GPHN: variants seen among roughly 807,000 people sequenced by gnomAD.
The protein encoded by GPHN is gephyrin.
GPHN carries 17 observed loss-of-function variants against 95.5 expected under a neutral mutation model. The ratio of observed to expected loss-of-function variants is 0.18; its 90% confidence interval spans 0.12 to 0.27. GPHN has a LOEUF of 0.27. Among genes scored for constraint, GPHN ranks in the 10% least tolerant of loss-of-function variants. GPHN has a pLI of 1.00. For missense variants in GPHN, 660 were observed against 978.1 expected, an observed-to-expected ratio of 0.67 and a Z score of 4.34; for synonymous variants, 320 against 322.5, an observed-to-expected ratio of 0.99 and a Z score of 0.08.
the GPHN span, chr14:67,573,290 G>T: frequency 6.2e-7 from 1 of 1,612,324 alleles, no homozygotes; most frequent in Non-Finnish European, 8.5e-7. This position sits in a 1 kb window ranked among gnomAD's most constrained non-coding sequence, Gnocchi z 4.8. Context: ...CACTGGAGAA[G>T]TCGGGCTACC....
chr14:66,804,543 A>G lies in GPHN; in HGVS notation c.202-19931A>G, dbSNP rs145373201. Among the ~76,000 whole-genome samples the G allele has an allele frequency of 9.8e-5, 15 of 152,322 alleles. No homozygotes were observed. The East Asian group carries it at 2.7e-3, about 27-fold the overall frequency. The stretch of plus-strand genomic sequence containing the variant: ...ACATCCATGAGCTTGGGTTTATTCA[A>G]ATTTTTAAGTTTAAATGTTTTAAGA... On this transcript the variant is annotated intron_variant, in intron 3 of 22. Transcript: ENST00000478722.
At chr14:66,773,352 CTTT>C (rs542180875) in intron 2 of GPHN, among the ~76,000 whole-genome samples, 12 of 121,798 alleles carry the variant, frequency 9.9e-5, no homozygotes, top group Admixed American at 1.7e-4. Context: ...TTGGGGAAAT[CTTT>C]TTTTTTTTTT....
At chr14:66,799,494 T>G (rs550410377) in intron 3 of GPHN, among the ~76,000 whole-genome samples, 1 of 152,148 alleles carries the variant, frequency 6.6e-6, no homozygotes, top group East Asian at 1.9e-4. Flanking sequence ...AGTGCTCAAG[T>G]ACTGGGGGCA....
chr14:67,244,438 A>AT, the GPHN span, among the ~76,000 whole-genome samples: 2 of 152,224 alleles, frequency 1.3e-5, no homozygotes, highest in Non-Finnish European at 2.9e-5. Context: ...AATTTTTGCT[A>AT]ATCTGGTGGA....
chr14:67,523,269 A>G, the GPHN span, among the ~76,000 whole-genome samples: 1 of 151,660 alleles, frequency 6.6e-6, no homozygotes, highest in Admixed American at 6.6e-5. Context: ...GGTTGCAGTG[A>G]GCCAAGATGG....
rs369780364 is a variant in GPHN, at chr14:66,700,516, A to G, written c.143+19331A>G. On this transcript the variant is annotated intron_variant, in intron 2 of 22. Transcript: ENST00000478722. ...TTTGTATTTTTTTACTTAGTAAATT[A>G]TTGGTCTGGGACAACTCGGGGATGA... Among the ~76,000 whole-genome samples the G allele has an allele frequency of 7.2e-5, 11 of 152,318 alleles. No homozygotes were observed. In the East Asian group the frequency reaches 2.1e-3, roughly 29 times the overall value.
At chr14:66,795,842 A>G (rs992901313) in intron 3 of GPHN, among the ~76,000 whole-genome samples, 6 of 152,170 alleles carry the variant, frequency 3.9e-5, no homozygotes, top group Admixed American at 2.0e-4. Context: ...AAACAATCCA[A>G]TTATACTCTT....
chr14:67,193,200 ATC>A, the GPHN span, among the ~76,000 whole-genome samples: 1 of 140,308 alleles, frequency 7.1e-6, no homozygotes, highest in Non-Finnish European at 1.5e-5. Flanking sequence ...CTATCTATAT[ATC>A]TCTATATAGA....
the GPHN span, chr14:67,514,986 TC>T: frequency 6.6e-6 from 1 of 152,222 alleles, no homozygotes; most frequent in African/African-American, 2.4e-5. Flanking sequence ...CCCCTCACCG[TC>T]CCCATCGCCC....
At chr14:67,654,762 G>A in the GPHN span, among the ~76,000 whole-genome samples, 31 of 152,080 alleles carry the variant, frequency 2.0e-4, no homozygotes, top group African/African-American at 7.0e-4. Context: ...GGGCGCAGTG[G>A]CTCACGCTTA....
chr14:67,225,157 A>G, the GPHN span: 4 of 1,585,594 alleles, frequency 2.5e-6, no homozygotes, highest in African/African-American at 5.4e-5. Context: ...AATTTCCTCA[A>G]ACTTGTGCCT....
intron 5 of GPHN, among the ~76,000 whole-genome samples, chr14:66,907,471 T>C (rs1186788225): frequency 1.3e-5 from 2 of 152,138 alleles, no homozygotes; most frequent in East Asian, 3.9e-4. Context: ...TTTAGAGCAG[T>C]AACACTATTT....
chr14:67,159,086 A>G (rs1180807254), intron 18 of GPHN, among the ~76,000 whole-genome samples: 2 of 152,222 alleles, frequency 1.3e-5, no homozygotes, highest in Non-Finnish European at 2.9e-5. Flanking sequence ...GATATTATAC[A>G]TTAATGTAGT....
At chr14:67,557,288 A>C in the GPHN span, 11 of 1,613,662 alleles carry the variant, frequency 6.8e-6, no homozygotes, top group African/African-American at 2.7e-5. Flanking sequence ...ATGGAAGAGA[A>C]GGTAAAACTA....
Position 66,539,621 on chromosome 14 carries a change from G to A in GPHN, c.64+31030G>A, listed in dbSNP as rs528662199. Among the ~76,000 whole-genome samples, 12 of 148,004 alleles carry A rather than the reference G, an allele frequency of 8.1e-5. No homozygotes were observed. The South Asian group carries it at 8.6e-4, about 11-fold the overall frequency. ...TAGAGACGGGTGTTGGTCAGGCTTC[G>A]TGTTGGTCAGGCTGGTTTCGAACTC... is the stretch of plus-strand genomic sequence containing the variant. On this transcript the variant is annotated intron_variant, in intron 1 of 22. Coordinates refer to ENST00000478722, the MANE Select transcript of GPHN (RefSeq NM_020806.5).
the GPHN span, among the ~76,000 whole-genome samples, chr14:67,696,082 T>G: frequency 6.6e-6 from 1 of 152,010 alleles, no homozygotes; most frequent in Non-Finnish European, 1.5e-5. Flanking sequence ...CTTATCCACA[T>G]AGAATCTCAA....
intron 4 of GPHN, among the ~76,000 whole-genome samples, chr14:66,836,838 A>T (rs1045919051): frequency 6.6e-6 from 1 of 152,088 alleles, no homozygotes; most frequent in African/African-American, 2.4e-5. Context: ...AAAACACATG[A>T]AAAAATGCTC....
intron 9 of GPHN, among the ~76,000 whole-genome samples, chr14:67,019,620 T>C (rs2073496569): frequency 6.6e-6 from 1 of 152,182 alleles, no homozygotes; most frequent in Admixed American, 6.5e-5. Context: ...AACACGGGTT[T>C]TATTTTCTTT....
At chr14:66,831,992 A>G (rs948046911) in intron 4 of GPHN, among the ~76,000 whole-genome samples, 1 of 151,972 alleles carries the variant, frequency 6.6e-6, no homozygotes, top group African/African-American at 2.4e-5. Flanking sequence ...CTAAAATACA[A>G]AAAAATTAGC....
Sources: gnomAD v4.1 joint callset for allele counts (sites outside exome capture counted in the v4.1 genomes callset) on GRCh38, gnomAD v4.1.1 for gene constraint, Gnocchi (gnomAD v3.1) non-coding constraint, MANE v1.5 for transcripts, NCBI Gene and HGNC (gene_info 2026-07-23, HGNC 2026-07-21) for gene names.